DMXL2: variants seen among roughly 807,000 people sequenced by gnomAD.
DMXL2 encodes the protein Dmx like 2.
Under a neutral mutation model 331.1 loss-of-function variants are expected in DMXL2, and 103 were observed. The ratio of observed to expected loss-of-function variants is 0.31; its 90% CI spans 0.27 to 0.37. The LOEUF is 0.37. Ranked by LOEUF, DMXL2 falls within the 10% of genes least tolerant of loss-of-function variation. DMXL2 has a pLI of 1.00. For synonymous variants in DMXL2, 1,281 were observed against 1,252.1 expected (o/e 1.02, Z -0.49); for missense variants, 3,171 against 3,642.9 (o/e 0.87, Z 3.33).
chr15:51,544,338 T>C (rs1193456793), intron 8 of DMXL2, among the ~76,000 whole-genome samples: 1 of 152,178 alleles, frequency 6.6e-6, no homozygotes, highest in African/African-American at 2.4e-5. Flanking sequence ...AACTCTCTCT[T>C]GTTCCTGCTT....
At chr15:51,518,457 T>C (rs186895311) in intron 13 of DMXL2, among the ~76,000 whole-genome samples, 2 of 152,338 alleles carry the variant, frequency 1.3e-5, no homozygotes, top group Admixed American at 6.5e-5. Context: ...CAACAAAGCT[T>C]TGCTACTCAA....
Position 51,545,676 on chromosome 15 carries a change from C to T in DMXL2, c.837G>A (p.Leu279=). Residue 279 remains leucine (L), a synonymous_variant, in exon 8 of 44, where the codon TTG becomes TTA. Coordinates refer to ENST00000560891, the MANE Select transcript of DMXL2 (RefSeq NM_001378457.1). ...AETLLPEDCL[L]GEQICETTTS... ...TGGTAGTCTCACAAATCTGCTCACC[C>T]AAAAGACAGTCTTCTGGTAATAAAG... 1 of 1,613,720 alleles carries T rather than the reference C, an allele frequency of 6.2e-7. No individual in the cohort carries two copies. The highest frequency in any genetic ancestry group is 8.5e-7 in the Non-Finnish European group (1 of 1,179,752).
intron 22 of DMXL2, 55 bp from the exon 23 acceptor site, chr15:51,486,392 T>C: frequency 1.5e-6 from 2 of 1,321,872 alleles, no homozygotes; most frequent in Non-Finnish European, 2.1e-6. Context: ...TTTAGAGAGA[T>C]GAAATATCCC....
chr15:51,476,607 A>T lies in DMXL2; in HGVS notation c.6946T>A (p.Ser2316Thr). The part of the protein sequence containing the change: ...SIEEHATPNS[S>T]PAQWPGVSSL... Reference sequence around the variant, plus strand: ...TTCTCACCAGGCCATTGAGCAGGAGATGAATTTGGTGTTGCGTGTTCTTCA... The same window carrying T: ...TTCTCACCAGGCCATTGAGCAGGAGTTGAATTTGGTGTTGCGTGTTCTTCA... Residue 2316 changes from serine to threonine, a missense_variant, in exon 27 of 44, where the codon TCT becomes ACT. Ser to Thr is a moderately conservative substitution (Grantham distance 58). Coordinates refer to ENST00000560891, the MANE Select transcript of DMXL2 (RefSeq NM_001378457.1). 1 of 1,608,306 alleles carries T rather than the reference A, an allele frequency of 6.2e-7. No homozygotes were observed. The highest frequency in any genetic ancestry group is 8.5e-7 in the Non-Finnish European group (1 of 1,178,238).
chr15:51,491,241 G>C (rs1475127704), intron 20 of DMXL2, among the ~76,000 whole-genome samples: 1 of 152,170 alleles, frequency 6.6e-6, no homozygotes, highest in Non-Finnish European at 1.5e-5. Flanking sequence ...AGGGATTCGA[G>C]ACCATCCTGG....
At position 51,611,569 on chromosome 15, in the gene DMXL2, T is replaced by C. The variant is rs189010789; in HGVS notation, c.87+10890A>G. Among the ~76,000 whole-genome samples, 42 of 152,358 alleles carry C rather than the reference T, an allele frequency of 2.8e-4. 1 individual carries two copies. The highest frequency in any genetic ancestry group is 6.8e-3 in the Middle Eastern group (2 of 294). ...ATTTTTCAAATTATCTACAAGGGCATATGTTACTTTTTACATCTTGCGGGG... is the reference window on the plus strand; with the variant it reads ...ATTTTTCAAATTATCTACAAGGGCACATGTTACTTTTTACATCTTGCGGGG... On this transcript the variant is annotated intron_variant, in intron 1 of 43. Coordinates refer to ENST00000560891, the MANE Select transcript of DMXL2 (RefSeq NM_001378457.1).
intron 9 of DMXL2, among the ~76,000 whole-genome samples, chr15:51,540,630 C>A (rs1346775584): frequency 6.6e-6 from 1 of 151,098 alleles, no homozygotes; most frequent in Non-Finnish European, 1.5e-5. Flanking sequence ...CTTGTAGTTT[C>A]AAAAAATTTT....
At chr15:51,546,423 T>C (rs912023796) in intron 7 of DMXL2, among the ~76,000 whole-genome samples, 2 of 152,106 alleles carry the variant, frequency 1.3e-5, no homozygotes, top group African/African-American at 2.4e-5. Context: ...TCAAAAAGTA[T>C]ATAAATTTCC....
At chr15:51,488,177 T>C in intron 21 of DMXL2, 58 bp from the exon 22 acceptor site, 1 of 1,401,482 alleles carries the variant, frequency 7.1e-7, no homozygotes. Context: ...TTCTACAGAA[T>C]GTATAATAAT....
At chr15:51,507,347 T>C (rs2046466304) in intron 15 of DMXL2, 94 bp from the exon 16 acceptor site, 1 of 1,236,568 alleles carries the variant, frequency 8.1e-7, no homozygotes, top group African/African-American at 1.5e-5. Context: ...TTGATATGCA[T>C]GGAAGTTGGG....
At chr15:51,608,812 CA>C (rs1795834231) in intron 1 of DMXL2, among the ~76,000 whole-genome samples, 1 of 151,918 alleles carries the variant, frequency 6.6e-6, no homozygotes, top group Non-Finnish European at 1.5e-5. Context: ...ACAACACTAA[CA>C]GATTGATACC....
intron 1 of DMXL2, among the ~76,000 whole-genome samples, chr15:51,606,126 T>C (rs1346209036): frequency 6.6e-6 from 1 of 152,332 alleles, no homozygotes; most frequent in Non-Finnish European, 1.5e-5. Flanking sequence ...CACTTTAAAC[T>C]GAAATCTTGA....
intron 28 of DMXL2, among the ~76,000 whole-genome samples, chr15:51,473,220 C>T (rs903567342): frequency 3.9e-5 from 6 of 152,148 alleles, no homozygotes; most frequent in Non-Finnish European, 7.4e-5. Flanking sequence ...CCCTCATCAC[C>T]GTCTTTCCAC....
intron 33 of DMXL2, among the ~76,000 whole-genome samples, chr15:51,461,204 C>A (rs1015772297): frequency 6.6e-6 from 1 of 152,168 alleles, no homozygotes; most frequent in Non-Finnish European, 1.5e-5. Context: ...TCCTACTTCC[C>A]TGTTCATGGG....
At position 51,507,073 on chromosome 15, in the gene DMXL2, A is replaced by T. The variant is rs116569522; in HGVS notation, c.2764+61T>A. On this transcript the variant is annotated intron_variant, in intron 16 of 43. Transcript: ENST00000560891. ...CATTTTACAGAATTAACCAAAGTAAAGCATATTCTATAAAATAAATTTGTT... is the reference window on the plus strand; with the variant it reads ...CATTTTACAGAATTAACCAAAGTAATGCATATTCTATAAAATAAATTTGTT... 2.9e-3 allele frequency: 3,766 copies of T among 1,318,028 alleles called. 80 individuals carry two copies. The African/African-American group carries it at 0.051, about 18-fold the overall frequency. 81.6% of individuals were successfully genotyped at this position (1,318,028 alleles called of 1,614,324 possible). A position where few individuals can be genotyped will look rare whatever the true frequency, so the allele number is the denominator to read the frequency against.
intron 33 of DMXL2, among the ~76,000 whole-genome samples, chr15:51,462,676 T>C (rs917022517): frequency 2.0e-5 from 3 of 152,166 alleles, no homozygotes; most frequent in Non-Finnish European, 4.4e-5. Context: ...CGCTCAACTC[T>C]GAATACTCTT....
Position 51,450,073 on chromosome 15 carries a change from G to T in DMXL2, c.8967+56C>A, listed in dbSNP as rs2039000396. On this transcript the variant is annotated intron_variant, in intron 43 of 43. Transcript: ENST00000560891. ...TTATTTCAAAGAATGTGGAGTTTTT[G>T]TTTTTTCTCTTTCCAATCAGTCTTT... 6 of 1,491,962 alleles carry T rather than the reference G, an allele frequency of 4.0e-6. No homozygotes were observed. The South Asian group carries it at 4.8e-5, about 12-fold the overall frequency. The allele number at this position is 1,491,962 out of a possible 1,614,324, so 92.4% of individuals were successfully genotyped here. A position where few individuals can be genotyped will look rare whatever the true frequency, so the allele number is the denominator to read the frequency against.
At chr15:51,603,946 A>G (rs573457265) in intron 1 of DMXL2, among the ~76,000 whole-genome samples, 9 of 152,300 alleles carry the variant, frequency 5.9e-5, no homozygotes, top group Middle Eastern at 3.4e-3. Context: ...AGACAAAAAC[A>G]GTACAGGAGA....
At chr15:51,455,461 C>T (rs1450546403) in intron 39 of DMXL2, among the ~76,000 whole-genome samples, 1 of 152,060 alleles carries the variant, frequency 6.6e-6, no homozygotes, top group African/African-American at 2.4e-5. Context: ...TGCAGTAGTG[C>T]AATTATAACT....
Sources: gnomAD v4.1 joint callset for allele counts (sites outside exome capture counted in the v4.1 genomes callset) on GRCh38, gnomAD v4.1.1 for gene constraint, MANE v1.5 for transcripts, NCBI Gene and HGNC (gene_info 2026-07-23, HGNC 2026-07-21) for gene names.